The following CRPPA variants were observed in gnomAD, a reference collection of about 807,000 sequenced individuals.
CRPPA encodes the protein CDP-L-ribitol pyrophosphorylase A.
CRPPA carries 43 observed loss-of-function variants against 52.0 expected under a neutral mutation model. The observed-to-expected ratio is 0.83, with a 90% CI of 0.65 to 1.07. The LOEUF is 1.07. CRPPA is among the 50% of genes least tolerant of loss of function. The pLI is 0.00. For synonymous variants in CRPPA, 250 were observed against 203.5 expected, an observed-to-expected ratio of 1.23 and a Z score of -1.94; for missense variants, 629 against 551.7, an observed-to-expected ratio of 1.14 and a Z score of -1.40.
intron 9 of CRPPA, among the ~76,000 whole-genome samples, chr7:16,203,543 T>C (rs1161040138): frequency 6.6e-6 from 1 of 152,172 alleles, no homozygotes; most frequent in African/African-American, 2.4e-5. Flanking sequence ...AGCAGTATAT[T>C]TTATAGTACA....
At chr7:16,204,991 T>C (rs1583427331) in intron 9 of CRPPA, among the ~76,000 whole-genome samples, 1 of 152,200 alleles carries the variant, frequency 6.6e-6, no homozygotes, top group Non-Finnish European at 1.5e-5. Context: ...TCTTAACACA[T>C]ATGCTTTCTT....
At chr7:16,186,255 G>A (rs911021583) in intron 9 of CRPPA, among the ~76,000 whole-genome samples, 2 of 152,158 alleles carry the variant, frequency 1.3e-5, no homozygotes, top group Non-Finnish European at 1.5e-5. Context: ...TAATCCTATG[G>A]TATTTGGAGA....
At chr7:16,302,240 GTGCCGAGATTGCGCCAC>G (rs1784803652) in intron 4 of CRPPA, among the ~76,000 whole-genome samples, 1 of 143,248 alleles carries the variant, frequency 7.0e-6, no homozygotes, top group African/African-American at 2.6e-5. Flanking sequence ...AGCTTGCAGT[GTGCCGAGATTGCGCCAC>G]TGCACTCCAG....
chr7:16,400,203 G>C (rs1434820284), intron 2 of CRPPA, among the ~76,000 whole-genome samples: 1 of 152,132 alleles, frequency 6.6e-6, no homozygotes, highest in South Asian at 2.1e-4. Context: ...ATTGAAACAT[G>C]GTTGGCATGT....
chr7:16,403,723 G>C (rs1180844691), intron 2 of CRPPA, among the ~76,000 whole-genome samples: 4 of 152,168 alleles, frequency 2.6e-5, no homozygotes, highest in African/African-American at 9.6e-5. Context: ...GGAGTTAACT[G>C]AGAATACTGG....
chr7:16,170,050 T>G (rs1284708903), intron 9 of CRPPA, among the ~76,000 whole-genome samples: 1 of 152,210 alleles, frequency 6.6e-6, no homozygotes, highest in Non-Finnish European at 1.5e-5. Flanking sequence ...TAATACATAT[T>G]AAAGTGAATT....
chr7:16,382,267 AT>A (rs1787115075), intron 2 of CRPPA, among the ~76,000 whole-genome samples: 1 of 152,158 alleles, frequency 6.6e-6, no homozygotes, highest in African/African-American at 2.4e-5. Context: ...GTTTAGCTGG[AT>A]ATGAAATTCT....
intron 5 of CRPPA, among the ~76,000 whole-genome samples, chr7:16,292,064 C>T (rs1356185484): frequency 6.6e-6 from 1 of 151,878 alleles, no homozygotes; most frequent in Non-Finnish European, 1.5e-5. Flanking sequence ...TTGACAGCTG[C>T]TTATCTAACA....
At chr7:16,153,195 T>G (rs1783109780) in intron 9 of CRPPA, among the ~76,000 whole-genome samples, 1 of 152,076 alleles carries the variant, frequency 6.6e-6, no homozygotes. Context: ...TCAGAAAGAT[T>G]CACTGCCAAT....
Position 16,421,242 on chromosome 7 carries a change from C to G in CRPPA, c.81G>C (p.Thr27=). ...CCACGCTCTGCAGGGAGGCGGAAGC[C>G]GTGTGGTCCGCGCCGCGCTGACCAC... ...CLSGQRGADH[T]ASASLQSVAG... Residue 27 remains threonine, a synonymous_variant, in exon 1 of 10, where the codon ACG becomes ACC. Transcript: ENST00000407010. 2 of 1,327,694 alleles carry G rather than the reference C, an allele frequency of 1.5e-6. No individual in the cohort carries two copies. Among genetic ancestry groups the G allele is most frequent in the South Asian group, 2.2e-5 (1 of 46,248 alleles). 82.2% of individuals were successfully genotyped at this position (1,327,694 alleles called of 1,614,324 possible).
intron 9 of CRPPA, among the ~76,000 whole-genome samples, chr7:16,099,295 G>T (rs908520858): frequency 1.4e-5 from 2 of 140,632 alleles, no homozygotes; most frequent in African/African-American, 5.3e-5. Flanking sequence ...AAAAAGGAAA[G>T]AAAAAAAGGA....
At chr7:16,318,133 C>G (rs1056209030) in intron 3 of CRPPA, among the ~76,000 whole-genome samples, 9 of 152,092 alleles carry the variant, frequency 5.9e-5, no homozygotes, top group African/African-American at 2.2e-4. Flanking sequence ...GGCATCCAAC[C>G]CCGTGAAACC....
chr7:16,162,729 C>T (rs986625484), intron 9 of CRPPA, among the ~76,000 whole-genome samples: 1 of 151,900 alleles, frequency 6.6e-6, no homozygotes, highest in African/African-American at 2.4e-5. Flanking sequence ...TCCTGAATAT[C>T]CTTGTTAATT....
chr7:16,387,066 T>TATATATACAC (rs1554352482), intron 2 of CRPPA, among the ~76,000 whole-genome samples: 7 of 109,070 alleles, frequency 6.4e-5, no homozygotes, highest in Non-Finnish European at 1.3e-4. Context: ...TATATATATA[T>TATATATACAC]ATATATATAT....
intron 3 of CRPPA, among the ~76,000 whole-genome samples, chr7:16,354,953 T>TA (rs1162195097): frequency 6.6e-6 from 1 of 152,158 alleles, no homozygotes; most frequent in Admixed American, 6.5e-5. Context: ...CAATATGCTA[T>TA]AAAAATGTAC....
chr7:16,145,213 A>C (rs1316381901), intron 9 of CRPPA, among the ~76,000 whole-genome samples: 1 of 152,134 alleles, frequency 6.6e-6, no homozygotes, highest in Non-Finnish European at 1.5e-5. Flanking sequence ...ATGCTCACAA[A>C]CCTGAAGGAA....
At chr7:16,250,494 A>G (rs1253300090) in intron 8 of CRPPA, among the ~76,000 whole-genome samples, 2 of 152,200 alleles carry the variant, frequency 1.3e-5, no homozygotes, top group South Asian at 2.1e-4. Context: ...GTTACCCACA[A>G]AGGGAAGCCC....
chr7:16,224,068 T>C (rs532753310), intron 8 of CRPPA, among the ~76,000 whole-genome samples: 7 of 152,250 alleles, frequency 4.6e-5, no homozygotes, highest in African/African-American at 1.7e-4. Flanking sequence ...GCACATTTAC[T>C]CATATAAACT....
rs764802213 is a variant in CRPPA at position 16,216,240 on chromosome 7, A to G, written c.1120-43T>C. The G allele has an allele frequency of 6.0e-6, 8 of 1,327,726 alleles. No homozygotes were observed. The East Asian group carries it at 1.7e-4, about 28-fold the overall frequency. The allele number at this position is 1,327,726 out of a possible 1,614,324, so 82.2% of individuals were successfully genotyped here. A position where few individuals can be genotyped will look rare whatever the true frequency, so the allele number is the denominator to read the frequency against. On this transcript the variant is annotated intron_variant, in intron 8 of 9. Coordinates refer to ENST00000407010, the MANE Select transcript of CRPPA (RefSeq NM_001101426.4). ...CAGTATTTAGAATATCATTCCCTTCAACTTTCTCTGGAGGGAAAAAACATT... is the reference window on the plus strand; with the variant it reads ...CAGTATTTAGAATATCATTCCCTTCGACTTTCTCTGGAGGGAAAAAACATT...
Sources: gnomAD v4.1 joint callset for allele counts (sites outside exome capture counted in the v4.1 genomes callset) on GRCh38, gnomAD v4.1.1 for gene constraint, MANE v1.5 for transcripts, NCBI Gene and HGNC (gene_info 2026-07-23, HGNC 2026-07-21) for gene names.